The following ZNF385D variants were observed in gnomAD, a reference collection of about 807,000 sequenced individuals.
The protein encoded by ZNF385D is zinc finger protein 659.
In ZNF385D, 15 loss-of-function variants were observed where a neutral mutation model predicts 35.8. That is an observed-to-expected ratio of 0.42 (90% confidence interval 0.28 to 0.64). The LOEUF is 0.64. ZNF385D is among the 30% of genes least tolerant of loss of function. The probability of loss-of-function intolerance (pLI) is 0.23; values close to 1 mark genes in which losing one functional copy is unlikely to be tolerated. For synonymous variants in ZNF385D, 212 were observed against 186.8 expected (o/e 1.13, Z -1.10); for missense variants, 474 against 494.6 (o/e 0.96, Z 0.39).
chr3:22,334,596 A>G (rs1018820147), intron 2 of ZNF385D, among the ~76,000 whole-genome samples: 2 of 152,186 alleles, frequency 1.3e-5, no homozygotes, highest in Non-Finnish European at 2.9e-5. Flanking sequence ...TTATCATCTG[A>G]CCATAATAGT....
chr3:22,322,889 C>G (rs1187173919), intron 2 of ZNF385D, among the ~76,000 whole-genome samples: 4 of 152,182 alleles, frequency 2.6e-5, no homozygotes, highest in Non-Finnish European at 5.9e-5. Flanking sequence ...AGGTTGTCAT[C>G]TGCTAACAGC....
chr3:21,859,673 A>ACT lies in ZNF385D; in HGVS notation c.326-194646_326-194645insAG, dbSNP rs11446531. Among the ~76,000 whole-genome samples, 33 of 146,916 alleles carry ACT rather than the reference A, an allele frequency of 2.2e-4. No individual in the cohort carries two copies. The East Asian group carries it at 6.1e-3, about 27-fold the overall frequency. On this transcript the variant is annotated intron_variant, in intron 3 of 5. Transcript: ENST00000494108. ...TATTGCTGGCTGTGACTCCAAAGGC[A>ACT]TTTTTTTTTTTTTCCTGTAGTTGTG...
chr3:21,620,901 C>T (rs2064986862), intron 2 of ZNF385D, among the ~76,000 whole-genome samples: 1 of 152,134 alleles, frequency 6.6e-6, no homozygotes, highest in Non-Finnish European at 1.5e-5. Context: ...GCAAAATCAT[C>T]ATAAGTGAAT....
At chr3:21,720,407 A>G (rs1198828874) in intron 1 of ZNF385D, among the ~76,000 whole-genome samples, 3 of 152,170 alleles carry the variant, frequency 2.0e-5, no homozygotes, top group Non-Finnish European at 4.4e-5. Context: ...TTTAAATGTT[A>G]TCCTGGTGTG....
At chr3:22,133,090 T>G (rs1239488586) in intron 3 of ZNF385D, among the ~76,000 whole-genome samples, 1 of 152,174 alleles carries the variant, frequency 6.6e-6, no homozygotes, top group African/African-American at 2.4e-5. Context: ...AAAGTGCAGC[T>G]AATTTATCTC....
intron 3 of ZNF385D, among the ~76,000 whole-genome samples, chr3:21,844,862 A>G (rs1483836045): frequency 6.6e-6 from 1 of 151,968 alleles, no homozygotes; most frequent in East Asian, 1.9e-4. Flanking sequence ...AAGTATCAGT[A>G]TATAGCATAC....
intron 2 of ZNF385D, among the ~76,000 whole-genome samples, chr3:22,308,615 C>T (rs1379226691): frequency 6.6e-6 from 1 of 151,780 alleles, no homozygotes; most frequent in Admixed American, 6.6e-5. Context: ...GGTGAGGAGC[C>T]ACAACAGAGG....
Position 21,664,111 on chromosome 3 carries a change from T to TAA in ZNF385D, c.165+773_165+774dup, listed in dbSNP as rs201721578. Reference sequence around the variant, plus strand: ...TATCTGAAGGCTGAAAAGATAATATTAAAAAAAAAAAAAGTCACTTACTCG... The same window carrying TAA: ...TATCTGAAGGCTGAAAAGATAATATTAAAAAAAAAAAAAAAGTCACTTACTCG... On this transcript the variant is annotated intron_variant, in intron 2 of 7. Transcript: ENST00000281523. 8.0e-5 allele frequency among the ~76,000 whole-genome samples: 11 copies of TAA among 137,612 alleles called. No individual in the cohort carries two copies. In the East Asian group the frequency reaches 8.3e-4, roughly 10 times the overall value. The allele number at this position is 137,612 out of a possible 152,430, so 90.3% of individuals were successfully genotyped here.
chr3:21,950,119 G>C (rs990820726), intron 3 of ZNF385D, among the ~76,000 whole-genome samples: 2 of 149,450 alleles, frequency 1.3e-5, no homozygotes, highest in East Asian at 1.9e-4. Context: ...CTAGATCCTT[G>C]AGGAATCACC....
At chr3:21,703,111 A>G (rs2125388557) in intron 1 of ZNF385D, among the ~76,000 whole-genome samples, 2 of 152,324 alleles carry the variant, frequency 1.3e-5, no homozygotes, top group Middle Eastern at 3.4e-3. Flanking sequence ...CGCTGCTGAT[A>G]AAGACATACC....
chr3:22,211,386 C>G (rs1447007681), intron 2 of ZNF385D, among the ~76,000 whole-genome samples: 3 of 151,916 alleles, frequency 2.0e-5, no homozygotes, highest in Non-Finnish European at 4.4e-5. Flanking sequence ...CTGAGCCCTC[C>G]TGAGTGGTCA....
intron 3 of ZNF385D, among the ~76,000 whole-genome samples, chr3:21,959,552 G>C (rs750991972): frequency 6.6e-6 from 1 of 152,124 alleles, no homozygotes; most frequent in Non-Finnish European, 1.5e-5. Context: ...TAAGGTACTT[G>C]CCCTAACTCC....
intron 3 of ZNF385D, among the ~76,000 whole-genome samples, chr3:21,950,503 C>T (rs975812225): frequency 1.3e-5 from 2 of 151,626 alleles, no homozygotes; most frequent in Non-Finnish European, 2.9e-5. Flanking sequence ...CTGTAGGTTG[C>T]CTGTTCACTC....
rs373558584 is a variant in ZNF385D at position 22,313,460 on chromosome 3, GA to G, written c.106+58989del. Among the ~76,000 whole-genome samples, 723 of 152,136 alleles carry G rather than the reference GA, an allele frequency of 4.8e-3. 11 individuals are homozygous for G. The South Asian group carries it at 0.049, about 10-fold the overall frequency. Reference sequence around the variant, plus strand: ...TTAAAAAAATACAACATGGACTGTAGAAAAATTAAATTATGAATAAATTTCT... The same window carrying G: ...TTAAAAAAATACAACATGGACTGTAGAAAATTAAATTATGAATAAATTTCT... On this transcript the variant is annotated intron_variant, in intron 2 of 5. Transcript: ENST00000494108.
intron 2 of ZNF385D, among the ~76,000 whole-genome samples, chr3:21,587,545 G>C (rs552397620): frequency 6.8e-4 from 103 of 152,252 alleles, no homozygotes; most frequent in Non-Finnish European, 1.2e-3. Context: ...GTGTAGACAA[G>C]GGAATTAGTT....
intron 3 of ZNF385D, among the ~76,000 whole-genome samples, chr3:22,093,610 C>A (rs542525441): frequency 2.0e-5 from 3 of 152,144 alleles, no homozygotes; most frequent in Middle Eastern, 3.4e-3. Context: ...GAGTTGACAA[C>A]CTACTATAAA....
intron 2 of ZNF385D, among the ~76,000 whole-genome samples, chr3:21,583,802 T>C (rs2063733037): frequency 6.6e-6 from 1 of 150,872 alleles, no homozygotes; most frequent in Admixed American, 6.6e-5. Flanking sequence ...ATGTTATAAC[T>C]ATACATAGTA....
chr3:22,135,313 C>T (rs1704039789), intron 3 of ZNF385D, among the ~76,000 whole-genome samples: 1 of 136,856 alleles, frequency 7.3e-6, no homozygotes, highest in South Asian at 2.2e-4. Flanking sequence ...CACACACACA[C>T]ATACCCCAAC....
At chr3:22,243,214 C>A (rs1699590494) in intron 2 of ZNF385D, among the ~76,000 whole-genome samples, 1 of 150,370 alleles carries the variant, frequency 6.7e-6, no homozygotes, top group African/African-American at 2.5e-5. Context: ...AAAAAATGGG[C>A]AAGTGAAAGG....
Sources: gnomAD v4.1 joint callset for allele counts (sites outside exome capture counted in the v4.1 genomes callset) on GRCh38, gnomAD v4.1.1 for gene constraint, MANE v1.5 for transcripts, NCBI Gene and HGNC (gene_info 2026-07-23, HGNC 2026-07-21) for gene names.